SYT2: variants seen among roughly 807,000 people sequenced by gnomAD.
SYT2 encodes synaptotagmin-2.
SYT2 carries 15 observed loss-of-function variants against 39.9 expected under a neutral mutation model. The observed-to-expected ratio is 0.38, with a 90% CI of 0.25 to 0.58. The LOEUF is 0.58. Among genes scored for constraint, SYT2 ranks in the 20% least tolerant of loss-of-function variants. The pLI, the probability that SYT2 is intolerant of heterozygous loss-of-function variation, is 0.70. For missense variants in SYT2, 389 were observed against 530.3 expected (o/e 0.73, Z 2.62); for synonymous variants, 181 against 204.5 (o/e 0.89, Z 0.98).
chr1:202,677,921 T>C (rs1653416907), intron 1 of SYT2, among the ~76,000 whole-genome samples: 1 of 152,214 alleles, frequency 6.6e-6, no homozygotes, highest in Admixed American at 6.5e-5. Context: ...ATTTGTGTTG[T>C]TCTTAACTAT....
intron 1 of SYT2, among the ~76,000 whole-genome samples, chr1:202,629,916 GAAGTCAC>G (rs1257250994): frequency 7.2e-5 from 9 of 125,142 alleles, no homozygotes; most frequent in South Asian, 2.3e-4. Flanking sequence ...AGTGACTCTG[GAAGTCAC>G]TAGCACAAAA....
At position 202,648,789 on chromosome 1, in the gene SYT2, C is replaced by A. The variant is rs1004920160; in HGVS notation, c.-17-43000G>T. ...GGCAGTTGTTGAGTAGGGGTTATTG[C>A]CAAAAAGAAAGAATTAAGCTGACAA... On this transcript the variant is annotated intron_variant, in intron 1 of 8. Transcript: ENST00000367268. Among the ~76,000 whole-genome samples the A allele has an allele frequency of 5.3e-5, 8 of 152,190 alleles. No individual in the cohort carries two copies. In the East Asian group the frequency reaches 1.4e-3, roughly 26 times the overall value.
intron 1 of SYT2, among the ~76,000 whole-genome samples, chr1:202,647,800 G>A (rs952064667): frequency 6.6e-6 from 1 of 152,012 alleles, no homozygotes; most frequent in African/African-American, 2.4e-5. Context: ...AGTGCTAAGA[G>A]AGACCCTCTC....
At chr1:202,668,155 G>A (rs757980432) in intron 1 of SYT2, among the ~76,000 whole-genome samples, 2 of 152,184 alleles carry the variant, frequency 1.3e-5, no homozygotes, top group South Asian at 2.1e-4. Context: ...TAAAATCATT[G>A]AATATATTGT....
chr1:202,602,174 C>CA, intron 5 of SYT2, 117 bp from the exon 6 acceptor site: 1 of 799,474 alleles, frequency 1.3e-6, no homozygotes, highest in Non-Finnish European at 1.8e-6. Context: ...CCGAGACAGA[C>CA]AAAGACCAAG....
At chr1:202,644,807 C>T (rs1692044154) in intron 1 of SYT2, among the ~76,000 whole-genome samples, 1 of 152,276 alleles carries the variant, frequency 6.6e-6, no homozygotes, top group Middle Eastern at 3.4e-3. Flanking sequence ...TCCCAATACC[C>T]GCAGTGAATC....
chr1:202,662,092 G>T (rs1692392803), intron 1 of SYT2, among the ~76,000 whole-genome samples: 1 of 152,210 alleles, frequency 6.6e-6, no homozygotes. Context: ...TGCCAACCTG[G>T]CCCAGGAGCC....
intron 1 of SYT2, among the ~76,000 whole-genome samples, chr1:202,673,664 G>T (rs1558457240): frequency 6.6e-6 from 1 of 152,224 alleles, no homozygotes; most frequent in South Asian, 2.1e-4. Context: ...CGCACACCCA[G>T]CTCCTTTCCT....
chr1:202,699,408 CCAAA>C (rs1403068929), intron 1 of SYT2, among the ~76,000 whole-genome samples: 1 of 152,162 alleles, frequency 6.6e-6, no homozygotes, highest in African/African-American at 2.4e-5. Flanking sequence ...TCCATGGTCC[CCAAA>C]CAGTGGACCA....
intron 1 of SYT2, chr1:202,631,975 G>C: frequency 1.0e-6 from 1 of 958,548 alleles, no homozygotes; most frequent in Non-Finnish European, 1.2e-6. Context: ...TGGTTCGCCA[G>C]GCAGTTTGTC....
chr1:202,628,933 A>T lies in SYT2; in HGVS notation c.-17-23144T>A, dbSNP rs1175739858. 1.3e-5 allele frequency among the ~76,000 whole-genome samples: 2 copies of T among 152,108 alleles called. No homozygotes were observed. The highest frequency in any genetic ancestry group is 2.9e-5 in the Non-Finnish European group (2 of 68,018). On this transcript the variant is annotated intron_variant, in intron 1 of 8. Transcript: ENST00000367268. This position sits in a 1 kb window ranked among gnomAD's most constrained non-coding sequence, Gnocchi z 4.2. ...TTGCTTAACCTCTCTGGGCCTCAGCACTCCGTCTGCAAAATGGGAATGATA... is the reference window on the plus strand; with the variant it reads ...TTGCTTAACCTCTCTGGGCCTCAGCTCTCCGTCTGCAAAATGGGAATGATA...
intron 1 of SYT2, among the ~76,000 whole-genome samples, chr1:202,647,053 G>A (rs1010786038): frequency 6.6e-5 from 10 of 152,200 alleles, no homozygotes; most frequent in African/African-American, 2.4e-4. Context: ...CTGGAGCTGT[G>A]GTACAGGCAT....
intron 1 of SYT2, among the ~76,000 whole-genome samples, chr1:202,672,090 T>C (rs1161072090): frequency 6.6e-6 from 1 of 152,112 alleles, no homozygotes; most frequent in African/African-American, 2.4e-5. Flanking sequence ...ACAACTATGT[T>C]TTCAGTATCA....
intron 1 of SYT2, among the ~76,000 whole-genome samples, chr1:202,653,894 T>C (rs753849793): frequency 2.0e-5 from 3 of 152,208 alleles, no homozygotes; most frequent in Non-Finnish European, 4.4e-5. Flanking sequence ...TGTGTGACCT[T>C]GACTAAGTTA....
chr1:202,596,383 C>T lies in SYT2; in HGVS notation c.*374G>A, dbSNP rs1572603587. 5.0e-6 allele frequency: 1 copy of T among 200,182 alleles called. No individual in the cohort carries two copies. The allele number at this position is 200,182 out of a possible 1,614,324, so 12.4% of individuals were successfully genotyped here. A position where few individuals can be genotyped will look rare whatever the true frequency, so the allele number is the denominator to read the frequency against. ...CTTCCCTGTCAGGAAGCAGGATGTG[C>T]TGCCATTTTGTTGGTCCAGAAGGCT... On this transcript the variant is annotated 3_prime_UTR_variant, in exon 9 of 9. Transcript: ENST00000367268.
rs541375100 is a variant in SYT2, at chr1:202,610,868, G to T, written c.-17-5079C>A. Among the ~76,000 whole-genome samples, 1,025 of 152,062 alleles carry T rather than the reference G, an allele frequency of 6.7e-3. 13 individuals carry two copies. The highest frequency in any genetic ancestry group is 0.024 in the African/African-American group (984 of 41,442). The stretch of plus-strand genomic sequence containing the variant: ...AACATTCCATGCTCATGGGTAGGAA[G>T]AATCAATATCATGAAAATGGCCATA... On this transcript the variant is annotated intron_variant, in intron 1 of 8. Coordinates refer to ENST00000367268, the MANE Select transcript of SYT2 (RefSeq NM_177402.5).
intron 1 of SYT2, among the ~76,000 whole-genome samples, chr1:202,698,928 G>A (rs1654041188): frequency 1.3e-5 from 2 of 152,056 alleles, no homozygotes; most frequent in Admixed American, 1.3e-4. Context: ...CCCATTTGTG[G>A]AGGATTTCAG....
At chr1:202,627,663 G>T in intron 1 of SYT2, 1 of 981,850 alleles carries the variant, frequency 1.0e-6, no homozygotes, top group Non-Finnish European at 1.2e-6. Flanking sequence ...GTTAATGAGG[G>T]TTTGACCAGG....
At position 202,591,193 on chromosome 1, in the gene SYT2, G is replaced by A. The variant is rs1464942533; in HGVS notation, c.*5564C>T. ...TCAGTTCCCAGCACAAAGGTCCCTG[G>A]GACTTCTGTGTGCAACTTCTGTTGT... On this transcript the variant is annotated 3_prime_UTR_variant, in exon 9 of 9. Coordinates refer to ENST00000367268, the MANE Select transcript of SYT2 (RefSeq NM_177402.5). 2 of 152,400 alleles carry A rather than the reference G, an allele frequency of 1.3e-5. No individual in the cohort carries two copies. Among genetic ancestry groups the A allele is most frequent in the Admixed American group, 1.3e-4 (2 of 15,286 alleles). The allele number at this position is 152,400 out of a possible 1,614,324, so 9.4% of individuals were successfully genotyped here.
Sources: allele counts gnomAD v4.1 joint callset (sites outside exome capture counted in the v4.1 genomes callset), GRCh38; gene constraint gnomAD v4.1.1; non-coding constraint Gnocchi (gnomAD v3.1); transcripts MANE v1.5; gene names NCBI Gene and HGNC (gene_info 2026-07-23, HGNC 2026-07-21).